LPAR1: variants seen among roughly 807,000 people sequenced by gnomAD.
LPAR1 encodes lysophosphatidic acid receptor 1.
Under a neutral mutation model 23.8 loss-of-function variants are expected in LPAR1, and 5 were observed. That is an observed-to-expected ratio of 0.21 (90% CI 0.11 to 0.44). The LOEUF is 0.44. LPAR1 is among the 20% of genes least tolerant of loss of function. The pLI, the probability that LPAR1 is intolerant of heterozygous loss-of-function variation, is 0.99. For missense variants in LPAR1, 311 were observed against 482.8 expected (o/e 0.64, Z 3.33); for synonymous variants, 160 against 164.7 (o/e 0.97, Z 0.22).
intron 5 of LPAR1, among the ~76,000 whole-genome samples, chr9:110,879,665 T>C (rs754644696): frequency 6.6e-5 from 10 of 152,204 alleles, no homozygotes; most frequent in Non-Finnish European, 1.2e-4. Context: ...TCATTGGCCT[T>C]ACTGGTCAGA....
chr9:110,951,026 C>T (rs2095553806), intron 4 of LPAR1, among the ~76,000 whole-genome samples: 1 of 151,844 alleles, frequency 6.6e-6, no homozygotes, highest in Admixed American at 6.6e-5. Context: ...CATGGATAGC[C>T]CAATGGAACA....
intron 5 of LPAR1, among the ~76,000 whole-genome samples, chr9:110,918,844 TAAC>T (rs2093402380): frequency 6.6e-6 from 1 of 152,160 alleles, no homozygotes; most frequent in Admixed American, 6.6e-5. Flanking sequence ...GCCTTCAACC[TAAC>T]AACATCAATT....
intron 5 of LPAR1, among the ~76,000 whole-genome samples, chr9:110,922,824 A>ATTAT (rs1554786500): frequency 7.0e-6 from 1 of 142,242 alleles, no homozygotes; most frequent in African/African-American, 2.6e-5. Context: ...TCTTATTATT[A>ATTAT]TATTATTATT....
intron 2 of LPAR1, among the ~76,000 whole-genome samples, chr9:111,020,692 G>GCCTA (rs1193102964): frequency 6.6e-6 from 1 of 152,042 alleles, no homozygotes; most frequent in African/African-American, 2.4e-5. Flanking sequence ...GAGCACCTGT[G>GCCTA]CCTAGTACCT....
chr9:110,897,866 C>T (rs1247330748), intron 5 of LPAR1, among the ~76,000 whole-genome samples: 1 of 151,330 alleles, frequency 6.6e-6, no homozygotes, highest in Non-Finnish European at 1.5e-5. Context: ...ATCATTGTCT[C>T]TGCATCACTT....
intron 5 of LPAR1, among the ~76,000 whole-genome samples, chr9:110,913,095 G>C (rs927690234): frequency 3.3e-5 from 5 of 152,224 alleles, no homozygotes; most frequent in Non-Finnish European, 5.9e-5. Context: ...GACTTGTCAA[G>C]CTCCATTCAA....
chr9:111,013,048 A>T (rs1253532260), intron 2 of LPAR1, among the ~76,000 whole-genome samples: 1 of 152,180 alleles, frequency 6.6e-6, no homozygotes, highest in Non-Finnish European at 1.5e-5. Flanking sequence ...AAAATCGCTG[A>T]TATCTGCATT....
At chr9:110,962,559 A>G (rs2096041536) in intron 4 of LPAR1, among the ~76,000 whole-genome samples, 1 of 152,194 alleles carries the variant, frequency 6.6e-6, no homozygotes. Flanking sequence ...TCTTCCTTCA[A>G]GATTGGAATT....
chr9:110,891,806 T>C (rs2084260673), intron 5 of LPAR1, among the ~76,000 whole-genome samples: 1 of 152,176 alleles, frequency 6.6e-6, no homozygotes, highest in Admixed American at 6.6e-5. Flanking sequence ...GCTTCACTAG[T>C]CATCAGGGAA....
chr9:110,956,071 GT>G (rs1326539307), intron 4 of LPAR1, among the ~76,000 whole-genome samples: 3 of 152,086 alleles, frequency 2.0e-5, no homozygotes, highest in African/African-American at 7.2e-5. Context: ...AAAAGGATGA[GT>G]TCGTGTCCTT....
Position 110,874,811 on chromosome 9 carries a change from T to C in LPAR1, c.*610A>G, listed in dbSNP as rs1405687153. ...AGTCTAGGTTCTATTTCCTAGAAGA[T>C]TTAACATTAGTATCCTTTTAATCTT... On this transcript the variant is annotated 3_prime_UTR_variant, in exon 6 of 6. Coordinates refer to ENST00000683809, the MANE Select transcript of LPAR1 (RefSeq NM_001351411.2). 2 of 152,648 alleles carry C rather than the reference T, an allele frequency of 1.3e-5. No homozygotes were observed. Among genetic ancestry groups the C allele is most frequent in the Non-Finnish European group, 2.9e-5 (2 of 68,038 alleles). 9.5% of individuals were successfully genotyped at this position (152,648 alleles called of 1,614,324 possible).
rs117303572 is a variant in LPAR1 at position 111,000,804 on chromosome 9, T to C, written c.-181-27246A>G. On this transcript the variant is annotated intron_variant, in intron 2 of 5. Coordinates refer to ENST00000683809, the MANE Select transcript of LPAR1 (RefSeq NM_001351411.2). ...AATACTGTCCACAAAAATTACGAAG[T>C]GGAAGGAAGCTTTGCCACTTTTCCA... Among the ~76,000 whole-genome samples the C allele has an allele frequency of 3.5e-4, 54 of 152,292 alleles. No homozygotes were observed. In the East Asian group the frequency reaches 9.8e-3, roughly 28 times the overall value.
In LPAR1 at chr9:110,875,577, G is replaced by A. The variant is rs1377618220; in HGVS notation, c.939C>T (p.Tyr313=). The change falls in exon 6 of 6, where the codon TAC becomes TAT. Residue 313 remains tyrosine, a synonymous_variant. Transcript: ENST00000683809. ...AGGTGGCGCTCATTTCTTTGTCGCG[G>A]TAGGAGTAAATGATGGGGTTCATGG... is the stretch of plus-strand genomic sequence containing the variant. ...NSAMNPIIYS[Y]RDKEMSATFR... 8 of 1,613,988 alleles carry A rather than the reference G, an allele frequency of 5.0e-6. No homozygotes were observed. Among genetic ancestry groups the A allele is most frequent in the Non-Finnish European group, 6.8e-6 (8 of 1,180,018 alleles).
At chr9:111,026,746 A>C (rs2097699360) in intron 2 of LPAR1, among the ~76,000 whole-genome samples, 2 of 152,170 alleles carry the variant, frequency 1.3e-5, no homozygotes, top group African/African-American at 4.8e-5. Context: ...AAGGGTGTTG[A>C]ATTTTATTGA....
Position 110,905,073 on chromosome 9 carries a change from C to T in LPAR1, c.794-29351G>A, listed in dbSNP as rs1034838569. Among the ~76,000 whole-genome samples, 30 of 151,282 alleles carry T rather than the reference C, an allele frequency of 2.0e-4. No individual in the cohort carries two copies. The Middle Eastern group carries it at 0.024, about 120-fold the overall frequency. On this transcript the variant is annotated intron_variant, in intron 5 of 5. Transcript: ENST00000683809. Reference sequence around the variant, plus strand: ...GGAACACCAATAAGCAAAGCAGGGTCACCTATTTACTGCTGTTCATTCGGC... The same window carrying T: ...GGAACACCAATAAGCAAAGCAGGGTTACCTATTTACTGCTGTTCATTCGGC...
chr9:111,005,609 A>G (rs887497328), intron 2 of LPAR1, among the ~76,000 whole-genome samples: 1 of 150,350 alleles, frequency 6.7e-6, no homozygotes, highest in African/African-American at 2.4e-5. Flanking sequence ...CAAACTTCAG[A>G]TTCCTTTGTA....
chr9:110,888,272 C>G (rs1037896216), intron 5 of LPAR1, among the ~76,000 whole-genome samples: 2 of 152,170 alleles, frequency 1.3e-5, no homozygotes, highest in Admixed American at 6.5e-5. Flanking sequence ...AAAGCAACCC[C>G]AATTAAGCAT....
intron 5 of LPAR1, among the ~76,000 whole-genome samples, chr9:110,877,164 T>C (rs1564338293): frequency 6.6e-6 from 1 of 152,336 alleles, no homozygotes; most frequent in East Asian, 1.9e-4. Flanking sequence ...TTTCACAAAA[T>C]GTAAACAAAT....
chr9:110,914,770 T>C (rs543416210), intron 5 of LPAR1, among the ~76,000 whole-genome samples: 7 of 150,158 alleles, frequency 4.7e-5, no homozygotes, highest in Admixed American at 3.3e-4. Flanking sequence ...CCTTTCTTCA[T>C]TAAAGACTCA....
Sources: gnomAD v4.1 joint callset for allele counts (sites outside exome capture counted in the v4.1 genomes callset) on GRCh38, gnomAD v4.1.1 for gene constraint, MANE v1.5 for transcripts, NCBI Gene and HGNC (gene_info 2026-07-23, HGNC 2026-07-21) for gene names.